Variants in FLT3LG observed in about 807,000 individuals in gnomAD.
FLT3LG encodes the protein fms-related tyrosine kinase 3 ligand.
A neutral mutation model predicts 30.9 loss-of-function variants in FLT3LG; 8 were observed. The ratio of observed to expected loss-of-function variants is 0.26; its 90% confidence interval spans 0.15 to 0.47. The LOEUF (loss-of-function observed/expected upper bound fraction) is 0.47. Ranked by LOEUF, FLT3LG falls within the 20% of genes least tolerant of loss-of-function variation. The pLI is 0.99. For synonymous variants in FLT3LG, 123 were observed against 135.9 expected (o/e 0.91, Z 0.66); for missense variants, 278 against 306.2 (o/e 0.91, Z 0.69).
At chr19:49,479,504 T>G (rs1211102313) in intron 6 of FLT3LG, among the ~76,000 whole-genome samples, 1 of 139,412 alleles carries the variant, frequency 7.2e-6, no homozygotes, top group Non-Finnish European at 1.5e-5. Context: ...CTACCTTTTT[T>G]TTTTTTTTTT....
rs1261182791 is a variant in FLT3LG at position 49,479,050 on chromosome 19, A to G, written c.481+3A>G. ...CCTGGAGCTGCAGTGTCAGCCCGGT[A>G]AAGGCTTCCAGGCACCCCCACTCCT... On this transcript the variant is annotated splice_donor_region_variant and intron_variant, in intron 6 of 8. Transcript: ENST00000597551. 5 of 1,605,624 alleles carry G rather than the reference A, an allele frequency of 3.1e-6. No homozygotes were observed. In the South Asian group the frequency reaches 5.6e-5, roughly 18 times the overall value.
Position 49,478,908 on chromosome 19 carries a change from G to GCCCCCCCCCCCCCC in FLT3LG, c.351_352insCCCCCCCCCCCCCC (p.Ser118ProfsTer29). On this transcript the variant is annotated frameshift_variant and splice_region_variant. Transcript: ENST00000597551. LOFTEE classifies it high-confidence loss of function. The stretch of plus-strand genomic sequence containing the variant: ...GTGACGTCTCCCTCCCCTGCTCCCA[G>GCCCCCCCCCCCCCC]CCCCCCCCCAGCTGTCTTCGCTTCG... 1 of 1,491,804 alleles carries GCCCCCCCCCCCCCC rather than the reference G, an allele frequency of 6.7e-7. No homozygotes were observed. The highest frequency in any genetic ancestry group is 2.7e-5 in the East Asian group (1 of 37,592). The allele number at this position is 1,491,804 out of a possible 1,614,324, so 92.4% of individuals were successfully genotyped here.
Position 49,476,179 on chromosome 19 carries a change from T to C in FLT3LG, c.179T>C (p.Val60Ala). The C allele has an allele frequency of 6.2e-7, 1 of 1,613,542 alleles. No homozygotes were observed. Among genetic ancestry groups the C allele is most frequent in the Non-Finnish European group, 8.5e-7 (1 of 1,179,882 alleles). The change falls in exon 4 of 9, where the codon GTG (valine) becomes GCG (alanine). Residue 60 changes from valine to alanine, a missense_variant. Val to Ala is a moderately conservative substitution (Grantham distance 64). Coordinates refer to ENST00000597551, the MANE Select transcript of FLT3LG (RefSeq NM_001459.4). This position sits in a 1 kb window ranked among gnomAD's most constrained non-coding sequence, Gnocchi z 5.3. ...DYLLQDYPVT[V>A]ASNLQDEELC... ...CTGCTTCAAGATTACCCAGTCACCG[T>C]GGCCTCCAACCTGCAGGACGTAAGT...
intron 8 of FLT3LG, among the ~76,000 whole-genome samples, chr19:49,483,162 G>A (rs1015966793): frequency 6.6e-6 from 1 of 151,502 alleles, no homozygotes; most frequent in Admixed American, 6.6e-5. Context: ...TTCTCGCTCT[G>A]TCACCCAGGC....
chr19:49,477,246 G>C (rs1400297132), intron 5 of FLT3LG, among the ~76,000 whole-genome samples: 1 of 152,068 alleles, frequency 6.6e-6, no homozygotes, highest in Non-Finnish European at 1.5e-5. Context: ...TTCAAGACCA[G>C]CCCGGGTAAC....
chr19:49,474,809 G>A, intron 2 of FLT3LG, 137 bp downstream of exon 2: 3 of 957,622 alleles, frequency 3.1e-6, no homozygotes, highest in Non-Finnish European at 1.6e-6. Flanking sequence ...AGATGTGAGG[G>A]GAGATGGATA....
chr19:49,474,570 G>T, intron 1 of FLT3LG, 33 bp from the exon 2 acceptor site: 1 of 1,533,678 alleles, frequency 6.5e-7, no homozygotes, highest in South Asian at 1.2e-5. Context: ...TGGGGCATGA[G>T]GGTCCGAGAC....
rs151028808 is a variant in FLT3LG at position 49,479,678 on chromosome 19, T to C, written c.482-620T>C. Reference sequence around the variant, plus strand: ...CACCTCACGCGGCTAATTTTTTTTTTTGTATTTTTAGTAGAGACGGTGTTT... The same window carrying C: ...CACCTCACGCGGCTAATTTTTTTTTCTGTATTTTTAGTAGAGACGGTGTTT... On this transcript the variant is annotated intron_variant, in intron 6 of 8. Transcript: ENST00000597551. 180 of 215,464 alleles carry C rather than the reference T, an allele frequency of 8.4e-4. 2 individuals carry two copies. The East Asian group carries it at 0.026, about 31-fold the overall frequency. 13.3% of individuals were successfully genotyped at this position (215,464 alleles called of 1,614,324 possible). A position where few individuals can be genotyped will look rare whatever the true frequency, so the allele number is the denominator to read the frequency against.
intron 6 of FLT3LG, 111 bp from the exon 7 acceptor site, chr19:49,480,187 G>T: frequency 1.4e-6 from 1 of 719,516 alleles, no homozygotes; most frequent in Non-Finnish European, 2.3e-6. Flanking sequence ...CTGAGGCACA[G>T]AGAGGCCAAG....
chr19:49,483,857 A>C (rs1601134880), intron 8 of FLT3LG, among the ~76,000 whole-genome samples: 1 of 132,214 alleles, frequency 7.6e-6, no homozygotes, highest in African/African-American at 3.0e-5. Flanking sequence ...ATAGAGGGAG[A>C]CTCTGTCTCA....
rs372718616 is a variant in FLT3LG, at chr19:49,483,043, A to G, written c.*21+2423A>G. 2.7e-4 allele frequency among the ~76,000 whole-genome samples: 41 copies of G among 152,358 alleles called. No individual in the cohort carries two copies. In the East Asian group the frequency reaches 6.4e-3, roughly 24 times the overall value. ...CTCAATGATTAATGAGACATTAATCAGTTGGAATCATTCATCATTTTGGGA... is the reference window on the plus strand; with the variant it reads ...CTCAATGATTAATGAGACATTAATCGGTTGGAATCATTCATCATTTTGGGA... On this transcript the variant is annotated intron_variant, in intron 8 of 8. Coordinates refer to ENST00000597551, the MANE Select transcript of FLT3LG (RefSeq NM_001459.4).
In FLT3LG at chr19:49,480,370, CT is replaced by C. The variant is rs760860570; in HGVS notation, c.555del (p.Leu186CysfsTer62). ...EATAPTAPQP[P>X]LLLLLLLPVG... is the part of the protein sequence containing the mutation. ...ACAGCCCCGACAGCCCCGCAGCCCC[CT>C]CTGCTCCTCCTACTGCTGCTGCCCG... is the stretch of plus-strand genomic sequence containing the variant. On this transcript the variant is annotated frameshift_variant, in exon 7 of 9. Transcript: ENST00000597551. LOFTEE classifies it high-confidence loss of function. 1.9e-6 allele frequency: 3 copies of C among 1,610,554 alleles called. No individual in the cohort carries two copies. Among genetic ancestry groups the C allele is most frequent in the Non-Finnish European group, 2.5e-6 (3 of 1,178,758 alleles).
At chr19:49,483,003 A>T (rs2079667106) in intron 8 of FLT3LG, among the ~76,000 whole-genome samples, 1 of 152,214 alleles carries the variant, frequency 6.6e-6, no homozygotes, top group African/African-American at 2.4e-5. Flanking sequence ...TTATTTCAAC[A>T]TGTAATCAGT....
At chr19:49,482,923 G>A (rs914805295) in intron 8 of FLT3LG, among the ~76,000 whole-genome samples, 5 of 151,568 alleles carry the variant, frequency 3.3e-5, no homozygotes, top group African/African-American at 1.2e-4. Context: ...CACCGCGCCC[G>A]GGGTCACAGT....
chr19:49,475,924 G>A (rs1276744952), intron 3 of FLT3LG, 123 bp downstream of exon 3: 6 of 1,059,700 alleles, frequency 5.7e-6, no homozygotes, highest in South Asian at 2.7e-5. Flanking sequence ...GGGCTCAAGC[G>A]ATCCTCCCAC....
Position 49,476,004 on chromosome 19 carries a change from G to T in FLT3LG, c.145-141G>T. 1 of 1,097,480 alleles carries T rather than the reference G, an allele frequency of 9.1e-7. No individual in the cohort carries two copies. 68.0% of individuals were successfully genotyped at this position (1,097,480 alleles called of 1,614,324 possible). ...CTTAGGGGTGTCATCCCTTTTTAAG[G>T]GCAAGGTTCTGTGGCTTCTTCTGGG... On this transcript the variant is annotated intron_variant, in intron 3 of 8. Coordinates refer to ENST00000597551, the MANE Select transcript of FLT3LG (RefSeq NM_001459.4). The surrounding 1 kb of genome is among the most constrained non-coding windows in gnomAD (Gnocchi z 5.3).
At chr19:49,483,866 CAAAAAAA>C (rs34619675) in intron 8 of FLT3LG, among the ~76,000 whole-genome samples, 505 of 50,110 alleles carry the variant, frequency 0.01, 4 homozygotes, top group African/African-American at 0.024. Context: ...GACTCTGTCT[CAAAAAAA>C]AAAAAAAAAA....
chr19:49,485,248 CTTTTTTTTTTT>C (rs55877586), intron 8 of FLT3LG, among the ~76,000 whole-genome samples: 1 of 121,850 alleles, frequency 8.2e-6, no homozygotes, highest in East Asian at 2.2e-4. Flanking sequence ...TCTTTTTTTT[CTTTTTTTTTTT>C]TTTTTTGAGA....
intron 7 of FLT3LG, 21 bp downstream of exon 7, chr19:49,480,497 G>C (rs2079565369): frequency 6.3e-7 from 1 of 1,597,014 alleles, no homozygotes; most frequent in Non-Finnish European, 8.5e-7. Flanking sequence ...TGGGAAGAGG[G>C]GGTGAGGGGG....
Sources: allele counts gnomAD v4.1 joint callset (sites outside exome capture counted in the v4.1 genomes callset), GRCh38; gene constraint gnomAD v4.1.1; non-coding constraint Gnocchi (gnomAD v3.1); transcripts MANE v1.5; gene names NCBI Gene and HGNC (gene_info 2026-07-23, HGNC 2026-07-21).